Variants in DDI2 observed in about 807,000 individuals in gnomAD.
DDI2 encodes DDI proteasomal shuttling factor 2, also known as protein DDI1 homolog 2.
Under a neutral mutation model 48.1 loss-of-function variants are expected in DDI2, and 5 were observed. The observed-to-expected ratio is 0.10, with a 90% CI of 0.05 to 0.22. The LOEUF is 0.22. DDI2 is among the 10% of genes least tolerant of loss of function. The pLI is 1.00. For synonymous variants in DDI2, 205 were observed against 183.6 expected (o/e 1.12, Z -0.94); for missense variants, 285 against 506.2 (o/e 0.56, Z 4.19).
intron 1 of DDI2, 21 bp downstream of exon 1, chr1:15,617,829 G>C: frequency 1.3e-6 from 2 of 1,565,550 alleles, no homozygotes. Context: ...CAGCGAGCCG[G>C]GCCTGCCCCG....
At chr1:15,629,562 A>G (rs905274238) in intron 2 of DDI2, among the ~76,000 whole-genome samples, 2 of 148,596 alleles carry the variant, frequency 1.3e-5, no homozygotes, top group Non-Finnish European at 3.0e-5. Context: ...GTGCCATTGC[A>G]CTCCAATCTG....
intron 3 of DDI2, among the ~76,000 whole-genome samples, chr1:15,631,185 A>T (rs1490984591): frequency 1.4e-5 from 2 of 147,000 alleles, no homozygotes; most frequent in Non-Finnish European, 3.0e-5. Context: ...AATTAAAGAG[A>T]TCATCAACAA....
Position 15,657,945 on chromosome 1 carries a change from A to G in DDI2, c.*46+1266A>G, listed in dbSNP as rs142871585. ...GGGAAGTCAATAGCTTCCTGAAACA[A>G]TGCTTTGTCTTCTCATGCTGTTAAC... On this transcript the variant is annotated intron_variant, in intron 9 of 9. Coordinates refer to ENST00000480945, the MANE Select transcript of DDI2 (RefSeq NM_032341.5). 2.1e-3 allele frequency among the ~76,000 whole-genome samples: 315 copies of G among 152,346 alleles called. 7 individuals carry two copies. Among genetic ancestry groups the G allele is most frequent in the Admixed American group, 2.0e-3 (31 of 15,306 alleles).
Position 15,656,668 on chromosome 1 carries a change from G to A in DDI2, c.*35G>A, listed in dbSNP as rs1275377007. 2.5e-6 allele frequency: 4 copies of A among 1,614,084 alleles called. No homozygotes were observed. Among genetic ancestry groups the A allele is most frequent in the Non-Finnish European group, 3.4e-6 (4 of 1,179,980 alleles). ...TGTGTGTGTACTGCAGCTGGAGTGG[G>A]CCCCAGACCAGGTATTTATAGACAC... On this transcript the variant is annotated 3_prime_UTR_variant, in exon 9 of 10. Transcript: ENST00000480945.
At chr1:15,651,013 C>T (rs1640170719) in intron 7 of DDI2, among the ~76,000 whole-genome samples, 1 of 152,100 alleles carries the variant, frequency 6.6e-6, no homozygotes. Flanking sequence ...CATCACCACG[C>T]CCGGCTAATT....
intron 1 of DDI2, among the ~76,000 whole-genome samples, chr1:15,621,418 G>A (rs1639662294): frequency 6.6e-6 from 1 of 151,672 alleles, no homozygotes. Flanking sequence ...TTTGAGACAG[G>A]GTCTTGCTCT....
intron 2 of DDI2, 183 bp downstream of exon 2, chr1:15,626,981 A>G (rs1021018235): frequency 1.6e-5 from 12 of 745,304 alleles, no homozygotes; most frequent in South Asian, 8.0e-5. Context: ...TTCCTCTTCT[A>G]TAAGTTAGGT....
chr1:15,626,567 G>T, intron 1 of DDI2, 102 bp from the exon 2 acceptor site: 1 of 1,524,350 alleles, frequency 6.6e-7, no homozygotes, highest in South Asian at 1.2e-5. Flanking sequence ...TGGAGGGTTT[G>T]AAAGGAGGGT....
Position 15,665,578 on chromosome 1 carries a change from C to T in DDI2, c.*5788C>T, listed in dbSNP as rs1487540628. 4 of 152,140 alleles carry T rather than the reference C, an allele frequency of 2.6e-5. No individual in the cohort carries two copies. The highest frequency in any genetic ancestry group is 9.7e-5 in the African/African-American group (4 of 41,400). 9.4% of individuals were successfully genotyped at this position (152,140 alleles called of 1,614,324 possible). On this transcript the variant is annotated 3_prime_UTR_variant, in exon 10 of 10. Coordinates refer to ENST00000480945, the MANE Select transcript of DDI2 (RefSeq NM_032341.5). ...AAAAATTTAGGTTAACTTTTAAGCT[C>T]ATGTCTATATATATGTGTGTAAGCT...
At position 15,660,116 on chromosome 1, in the gene DDI2, C is replaced by T. The variant is rs1640340284; in HGVS notation, c.*326C>T. ...CAAGATCTTTCTGATCATGCTTCCT[C>T]AGCAGACCATGCTCCAACAGACCAG... On this transcript the variant is annotated 3_prime_UTR_variant, in exon 10 of 10. Coordinates refer to ENST00000480945, the MANE Select transcript of DDI2 (RefSeq NM_032341.5). The T allele has an allele frequency of 2.5e-6, 4 of 1,614,084 alleles. No homozygotes were observed. The South Asian group carries it at 3.3e-5, about 13-fold the overall frequency.
At chr1:15,620,372 G>A (rs1639638740) in intron 1 of DDI2, among the ~76,000 whole-genome samples, 1 of 151,984 alleles carries the variant, frequency 6.6e-6, no homozygotes, top group East Asian at 1.9e-4. Context: ...AATCATAATA[G>A]TAAACATCAC....
At chr1:15,657,190 C>A (rs1640285415) in intron 9 of DDI2, among the ~76,000 whole-genome samples, 1 of 152,202 alleles carries the variant, frequency 6.6e-6, no homozygotes, top group African/African-American at 2.4e-5. Flanking sequence ...GGAACTAAGA[C>A]TTTGCTTTTC....
chr1:15,633,451 G>C lies in DDI2; in HGVS notation c.518G>C (p.Arg173Thr), dbSNP rs1570972882. 1 of 1,611,564 alleles carries C rather than the reference G, an allele frequency of 6.2e-7. No individual in the cohort carries two copies. The highest frequency in any genetic ancestry group is 8.5e-7 in the Non-Finnish European group (1 of 1,179,186). ...CTTATTTTTGTAGAGAAATTTTCTA[G>C]AGTCCTGGTGGAGCAGCAGCAGGAC... ...LLSGDLEKFS[R>T]VLVEQQQDRA... Residue 173 changes from arginine (R) to threonine (T), a missense_variant, in exon 4 of 10, where the codon AGA (arginine) becomes ACA (threonine). Arg to Thr is a moderately conservative substitution (Grantham distance 71). Coordinates refer to ENST00000480945, the MANE Select transcript of DDI2 (RefSeq NM_032341.5).
At position 15,617,636 on chromosome 1, in the gene DDI2, GGCCGAGCCGA is replaced by G. The variant is rs758883268; in HGVS notation, c.-25_-16del. The stretch of plus-strand genomic sequence containing the variant: ...TCCCCTGCGCCCCGCGCCCAGGCCG[GGCCGAGCCGA>G]GCCGAGCCGGGTCGGGCCCGGGCCA... On this transcript the variant is annotated 5_prime_UTR_variant, in exon 1 of 10. Coordinates refer to ENST00000480945, the MANE Select transcript of DDI2 (RefSeq NM_032341.5). 2 of 1,354,954 alleles carry G rather than the reference GGCCGAGCCGA, an allele frequency of 1.5e-6. No homozygotes were observed. The highest frequency in any genetic ancestry group is 1.9e-6 in the Non-Finnish European group (2 of 1,041,902). The allele number at this position is 1,354,954 out of a possible 1,614,324, so 83.9% of individuals were successfully genotyped here. A position where few individuals can be genotyped will look rare whatever the true frequency, so the allele number is the denominator to read the frequency against.
rs142592808 is a variant in DDI2, at chr1:15,634,947, A to G, written c.632+1382A>G. On this transcript the variant is annotated intron_variant, in intron 4 of 9. Coordinates refer to ENST00000480945, the MANE Select transcript of DDI2 (RefSeq NM_032341.5). ...TGTCCTGCCTCTTACTCTTCTTACT[A>G]CATTTGAAATCAGAAATACAGGCTA... is the stretch of plus-strand genomic sequence containing the variant. Among the ~76,000 whole-genome samples, 39 of 152,272 alleles carry G rather than the reference A, an allele frequency of 2.6e-4. No homozygotes were observed. The East Asian group carries it at 6.9e-3, about 27-fold the overall frequency.
rs183259776 is a variant in DDI2, at chr1:15,656,645, T to C, written c.*12T>C. 1.5e-5 allele frequency: 24 copies of C among 1,614,152 alleles called. No individual in the cohort carries two copies. The East Asian group carries it at 5.3e-4, about 36-fold the overall frequency. Reference sequence around the variant, plus strand: ...GTCAGAAGCCATGATGCATGTAGTGTGTGTGTACTGCAGCTGGAGTGGGCC... The same window carrying C: ...GTCAGAAGCCATGATGCATGTAGTGCGTGTGTACTGCAGCTGGAGTGGGCC... On this transcript the variant is annotated 3_prime_UTR_variant, in exon 9 of 10. Transcript: ENST00000480945.
chr1:15,644,318 C>T (rs1003362738), intron 6 of DDI2, among the ~76,000 whole-genome samples: 13 of 152,158 alleles, frequency 8.5e-5, no homozygotes, highest in Non-Finnish European at 1.8e-4. Flanking sequence ...TTGTCTTCCT[C>T]TTTTTTATCT....
chr1:15,657,512 A>C (rs1640289569), intron 9 of DDI2, among the ~76,000 whole-genome samples: 1 of 152,210 alleles, frequency 6.6e-6, no homozygotes, highest in African/African-American at 2.4e-5. Context: ...AAACTGACCT[A>C]GTCCTCCCCT....
At position 15,661,824 on chromosome 1, in the gene DDI2, A is replaced by G; in HGVS notation, c.*2034A>G. On this transcript the variant is annotated 3_prime_UTR_variant, in exon 10 of 10. Coordinates refer to ENST00000480945, the MANE Select transcript of DDI2 (RefSeq NM_032341.5). ...CACACTCACCACATATACAGTATAT[A>G]TAGAAACCTGCAAGCAGAATGTTGA... is the stretch of plus-strand genomic sequence containing the variant. 2 of 1,351,056 alleles carry G rather than the reference A, an allele frequency of 1.5e-6. No individual in the cohort carries two copies. The highest frequency in any genetic ancestry group is 9.6e-7 in the Non-Finnish European group (1 of 1,040,684). The allele number at this position is 1,351,056 out of a possible 1,614,324, so 83.7% of individuals were successfully genotyped here.
Sources: gnomAD v4.1 joint callset for allele counts (sites outside exome capture counted in the v4.1 genomes callset) on GRCh38, gnomAD v4.1.1 for gene constraint, MANE v1.5 for transcripts, NCBI Gene and HGNC (gene_info 2026-07-23, HGNC 2026-07-21) for gene names.